TTC38: variants seen among roughly 807,000 people sequenced by gnomAD.
TTC38 encodes tetratricopeptide repeat protein 38.
A neutral mutation model predicts 64.2 loss-of-function variants in TTC38; 64 were observed. The observed-to-expected ratio is 1.00, with a 90% CI of 0.81 to 1.23. TTC38 has a LOEUF of 1.23. TTC38 is among the 50% of genes most tolerant of loss of function. TTC38 has a pLI of 0.00. For synonymous variants in TTC38, 254 were observed against 249.3 expected (o/e 1.02, Z -0.18); for missense variants, 573 against 615.5 (o/e 0.93, Z 0.73).
rs1017309736 is a variant in TTC38 at position 46,270,231 on chromosome 22, C to T, written c.111+1640C>T. 8.5e-5 allele frequency among the ~76,000 whole-genome samples: 13 copies of T among 152,164 alleles called. No homozygotes were observed. The highest frequency in any genetic ancestry group is 3.1e-4 in the African/African-American group (13 of 41,424). On this transcript the variant is annotated intron_variant, in intron 2 of 13. Transcript: ENST00000381031. The surrounding 1 kb of genome is among the most constrained non-coding windows in gnomAD (Gnocchi z 4.7). Reference sequence around the variant, plus strand: ...TGGCTTCTTTAAATCTCTGTGCCAACCCTCCTGTATCTTGTCAAAATGCTT... The same window carrying T: ...TGGCTTCTTTAAATCTCTGTGCCAATCCTCCTGTATCTTGTCAAAATGCTT...
In TTC38 at chr22:46,273,885, A is replaced by T. The variant is rs1936949519; in HGVS notation, c.194-13A>T. 8 of 1,613,926 alleles carry T rather than the reference A, an allele frequency of 5.0e-6. No individual in the cohort carries two copies. Among genetic ancestry groups the T allele is most frequent in the Non-Finnish European group, 6.8e-6 (8 of 1,179,906 alleles). On this transcript the variant is annotated splice_polypyrimidine_tract_variant and intron_variant, in intron 3 of 13. Transcript: ENST00000381031. This position sits in a 1 kb window ranked among gnomAD's most constrained non-coding sequence, Gnocchi z 5.1. Reference sequence around the variant, plus strand: ...CCATCTGAACCACCAGCCGTTCTCTAACCTCCCACCAGTGATGGGCCACGC... The same window carrying T: ...CCATCTGAACCACCAGCCGTTCTCTTACCTCCCACCAGTGATGGGCCACGC...
At chr22:46,268,376 C>G in intron 1 of TTC38, 138 bp from the exon 2 acceptor site, 1 of 927,872 alleles carries the variant, frequency 1.1e-6, no homozygotes. Context: ...CTCCTTGGAA[C>G]CGGCCCAGGA....
rs73177058 is a variant in TTC38, at chr22:46,272,182, G to T, written c.112-153G>T. Among the ~76,000 whole-genome samples, 22,437 of 151,658 alleles carry T rather than the reference G, an allele frequency of 0.15. 4,012 individuals are homozygous for T. Among genetic ancestry groups the T allele is most frequent in the African/African-American group, 0.43 (17,771 of 41,310 alleles). Reference sequence around the variant, plus strand: ...ATTTTTCTATTTTTAGTAGAGATGGGGTTTTACCGTGTTGGTCAGGCTGGT... The same window carrying T: ...ATTTTTCTATTTTTAGTAGAGATGGTGTTTTACCGTGTTGGTCAGGCTGGT... On this transcript the variant is annotated intron_variant, in intron 2 of 13. Coordinates refer to ENST00000381031, the MANE Select transcript of TTC38 (RefSeq NM_017931.4). This position sits in a 1 kb window ranked among gnomAD's most constrained non-coding sequence, Gnocchi z 6.4.
rs138995831 is a variant in TTC38, at chr22:46,281,595, G to T, written c.616-4G>T. The T allele has an allele frequency of 1.1e-5, 18 of 1,613,902 alleles. No individual in the cohort carries two copies. The Admixed American group carries it at 3.0e-4, about 27-fold the overall frequency. On this transcript the variant is annotated splice_polypyrimidine_tract_variant and splice_region_variant and intron_variant, in intron 6 of 13. Coordinates refer to ENST00000381031, the MANE Select transcript of TTC38 (RefSeq NM_017931.4). The surrounding 1 kb of genome is among the most constrained non-coding windows in gnomAD (Gnocchi z 5.2). ...TGGAATCCTCTTCCCCGCACCCTGC[G>T]TAGGCTTTATCTATTAACCCGACAG...
chr22:46,290,165 G>A (rs1039870573), intron 13 of TTC38, among the ~76,000 whole-genome samples: 4 of 150,934 alleles, frequency 2.7e-5, no homozygotes, highest in East Asian at 2.0e-4. Context: ...ACGTAAACAC[G>A]TCCTGCTCTT....
rs1294456107 is a variant in TTC38, at chr22:46,282,909, C to T, written c.736-1064C>T. On this transcript the variant is annotated intron_variant, in intron 7 of 13. Transcript: ENST00000381031. This position sits in a 1 kb window ranked among gnomAD's most constrained non-coding sequence, Gnocchi z 4.4. ...CACCTGTTGGAGTGTGGCCCTGGGC[C>T]TGTTGATCTCTGCAGGTTTTTGTTT... Among the ~76,000 whole-genome samples the T allele has an allele frequency of 1.3e-5, 2 of 152,148 alleles. No individual in the cohort carries two copies. Among genetic ancestry groups the T allele is most frequent in the African/African-American group, 2.4e-5 (1 of 41,438 alleles).
chr22:46,290,496 G>A (rs916162266), intron 13 of TTC38, among the ~76,000 whole-genome samples: 7 of 148,252 alleles, frequency 4.7e-5, no homozygotes, highest in Non-Finnish European at 1.5e-5. Context: ...GAGGGTGAGT[G>A]TTAGGGTGGC....
chr22:46,288,346 G>A (rs1046764597), intron 10 of TTC38, 77 bp from the exon 11 acceptor site: 51 of 1,464,436 alleles, frequency 3.5e-5, no homozygotes, highest in South Asian at 6.5e-5. Flanking sequence ...CAAGGGAAGC[G>A]CCGTGAGGGA....
At position 46,275,078 on chromosome 22, in the gene TTC38, C is replaced by T. The variant is rs533365041; in HGVS notation, c.366-170C>T. On this transcript the variant is annotated intron_variant, in intron 4 of 13. Transcript: ENST00000381031. The surrounding 1 kb of genome is among the most constrained non-coding windows in gnomAD (Gnocchi z 4.5). ...CCTCGTGATCCACCTGCCTTGGTCT[C>T]CCAAAGTGCTGGGATTACAGGCATA... Among the ~76,000 whole-genome samples the T allele has an allele frequency of 3.9e-5, 6 of 152,312 alleles. No homozygotes were observed. The highest frequency in any genetic ancestry group is 1.4e-4 in the African/African-American group (6 of 41,572).
chr22:46,287,683 A>C lies in TTC38; in HGVS notation c.916+529A>C, dbSNP rs1601883804. On this transcript the variant is annotated intron_variant, in intron 10 of 13. Transcript: ENST00000381031. ...TCTCCCCTTGTCTCAGGCTCAGCAG[A>C]GTCACCCTGGAACCACAGAGGCCTG... Among the ~76,000 whole-genome samples the C allele has an allele frequency of 2.0e-5, 3 of 152,200 alleles. No homozygotes were observed. In the East Asian group the frequency reaches 5.8e-4, roughly 29 times the overall value.
chr22:46,268,054 G>T lies in TTC38; in HGVS notation c.15G>T (p.Ser5=), dbSNP rs1386766548. 1.1e-5 allele frequency: 17 copies of T among 1,542,922 alleles called. No homozygotes were observed. Among genetic ancestry groups the T allele is most frequent in the Admixed American group, 1.9e-5 (1 of 52,198 alleles). MAAA[S]PLRDCQAWKD... ...CCCGGCGCAACATGGCCGCAGCCTC[G>T]CCTCTGCGCGACTGCCAGGTACACG... is the stretch of plus-strand genomic sequence containing the variant. Residue 5 remains serine (S), a synonymous_variant, in exon 1 of 14, where the codon TCG becomes TCT. Coordinates refer to ENST00000381031, the MANE Select transcript of TTC38 (RefSeq NM_017931.4).
rs1344072451 is a variant in TTC38 at position 46,288,541 on chromosome 22, C to G, written c.1035C>G (p.Asp345Glu). 2 of 1,613,774 alleles carry G rather than the reference C, an allele frequency of 1.2e-6. No homozygotes were observed. Among genetic ancestry groups the G allele is most frequent in the African/African-American group, 2.7e-5 (2 of 74,892 alleles). ...TGATGGCATCCCTGGGTGCACACGA[C>G]CCCCAGACCACACAGGAGCTGCTGA... ...HFLMASLGAH[D>E]PQTTQELLTT... Residue 345 changes from aspartate to glutamate, a missense_variant, in exon 11 of 14, where the codon GAC (aspartate) becomes GAG (glutamate). Physicochemically the swap from Asp to Glu is conservative, Grantham distance 45. Transcript: ENST00000381031.
Position 46,273,989 on chromosome 22 carries a change from A to G in TTC38, c.285A>G (p.Thr95=). The change falls in exon 4 of 14, where the codon ACA becomes ACG. Residue 95 remains threonine (T), a synonymous_variant. Coordinates refer to ENST00000381031, the MANE Select transcript of TTC38 (RefSeq NM_017931.4). This position sits in a 1 kb window ranked among gnomAD's most constrained non-coding sequence, Gnocchi z 5.1. ...AAGAGCTGGACCTGGCTGTGAAGAC[A>G]ATGGTGGAGATTTCAAGAACCCAGC... The part of the protein sequence containing the change: ...LDKELDLAVK[T]MVEISRTQPL... The G allele has an allele frequency of 2.5e-6, 4 of 1,614,212 alleles. No homozygotes were observed. Among genetic ancestry groups the G allele is most frequent in the Non-Finnish European group, 2.5e-6 (3 of 1,180,042 alleles).
rs1421216275 is a variant in TTC38, at chr22:46,271,095, T to G, written c.112-1240T>G. Among the ~76,000 whole-genome samples the G allele has an allele frequency of 6.6e-6, 1 of 152,168 alleles. No individual in the cohort carries two copies. Among genetic ancestry groups the G allele is most frequent in the Non-Finnish European group, 1.5e-5 (1 of 68,024 alleles). On this transcript the variant is annotated intron_variant, in intron 2 of 13. Transcript: ENST00000381031. This position sits in a 1 kb window ranked among gnomAD's most constrained non-coding sequence, Gnocchi z 5.5. ...TCTTTCTAACTCTCTAAAATAAATGTTTTCTGTGAATATTTTTAAAACGAA... is the reference window on the plus strand; with the variant it reads ...TCTTTCTAACTCTCTAAAATAAATGGTTTCTGTGAATATTTTTAAAACGAA...
intron 5 of TTC38, among the ~76,000 whole-genome samples, chr22:46,277,893 G>A (rs532155216): frequency 6.6e-6 from 1 of 152,310 alleles, no homozygotes; most frequent in South Asian, 2.1e-4. Flanking sequence ...CTGGGTGGAT[G>A]TCACCATGCA....
chr22:46,280,795 G>T (rs1258826339), intron 6 of TTC38, among the ~76,000 whole-genome samples: 1 of 152,238 alleles, frequency 6.6e-6, no homozygotes, highest in African/African-American at 2.4e-5. Flanking sequence ...GGAGACTGAG[G>T]CAGTGGGGCT....
Position 46,283,954 on chromosome 22 carries a change from T to A in TTC38, c.736-19T>A. 2 of 1,036,290 alleles carry A rather than the reference T, an allele frequency of 1.9e-6. No homozygotes were observed. Among genetic ancestry groups the A allele is most frequent in the South Asian group, 1.8e-5 (1 of 56,814 alleles). 64.2% of individuals were successfully genotyped at this position (1,036,290 alleles called of 1,614,324 possible). ...GCCTTCAGACTTTTCATAAATTCTC[T>A]TTTTTTTTTTTTCTCCAGGACTCTG... On this transcript the variant is annotated intron_variant, in intron 7 of 13. Coordinates refer to ENST00000381031, the MANE Select transcript of TTC38 (RefSeq NM_017931.4).
At position 46,276,154 on chromosome 22, in the gene TTC38, A is replaced by C. The variant is rs142734935; in HGVS notation, c.539+733A>C. On this transcript the variant is annotated intron_variant, in intron 5 of 13. Coordinates refer to ENST00000381031, the MANE Select transcript of TTC38 (RefSeq NM_017931.4). This position sits in a 1 kb window ranked among gnomAD's most constrained non-coding sequence, Gnocchi z 4.7. The stretch of plus-strand genomic sequence containing the variant: ...AGCTCTGAGACAGAGAGAGAGATGG[A>C]GATTTATTTTAAGGAATTGGCTCAT... Among the ~76,000 whole-genome samples, 376 of 152,082 alleles carry C rather than the reference A, an allele frequency of 2.5e-3. No individual in the cohort carries two copies. Among genetic ancestry groups the C allele is most frequent in the African/African-American group, 8.4e-3 (351 of 41,552 alleles).
In TTC38 at chr22:46,289,435, C is replaced by A; in HGVS notation, c.1116C>A (p.Ala372=). The change falls in exon 12 of 14, where the codon GCC becomes GCA. Residue 372 remains alanine (A), a synonymous_variant. Transcript: ENST00000381031. ...GGGAGAACTGCCAGCACCTCCTGGC[C>A]CGAGACGTGGGGCTGCCCCTGTGCC... ...SPGENCQHLL[A]RDVGLPLCQA... is the part of the protein sequence containing the mutation. 1 of 1,609,638 alleles carries A rather than the reference C, an allele frequency of 6.2e-7. No individual in the cohort carries two copies. Among genetic ancestry groups the A allele is most frequent in the South Asian group, 1.1e-5 (1 of 91,016 alleles).
Sources: allele counts gnomAD v4.1 joint callset (sites outside exome capture counted in the v4.1 genomes callset), GRCh38; gene constraint gnomAD v4.1.1; non-coding constraint Gnocchi (gnomAD v3.1); transcripts MANE v1.5; gene names NCBI Gene and HGNC (gene_info 2026-07-23, HGNC 2026-07-21).